The following RBPJ variants were observed in gnomAD, a reference collection of about 807,000 sequenced individuals.
The protein encoded by RBPJ is recombination signal binding protein for immunoglobulin kappa J region.
RBPJ carries 9 observed loss-of-function variants against 67.8 expected under a neutral mutation model. The ratio of observed to expected loss-of-function variants is 0.13; its 90% confidence interval spans 0.08 to 0.23. RBPJ has a LOEUF of 0.23. RBPJ is among the 10% of genes least tolerant of loss of function. The pLI, the probability that RBPJ is intolerant of heterozygous loss-of-function variation, is 1.00. For missense variants in RBPJ, 305 were observed against 595.6 expected (o/e 0.51, Z 5.08); for synonymous variants, 198 against 203.3 (o/e 0.97, Z 0.22).
chr4:26,412,131 A>AT (rs1476452788), intron 3 of RBPJ, among the ~76,000 whole-genome samples: 2 of 144,750 alleles, frequency 1.4e-5, no homozygotes, highest in Non-Finnish European at 3.1e-5. Context: ...AAAAAAAAAA[A>AT]GTACCATTTA....
chr4:26,286,056 C>CGTGCCGCTGCAGTGCGCTATGATA (rs1338401330), intron 1 of RBPJ, among the ~76,000 whole-genome samples: 1 of 152,148 alleles, frequency 6.6e-6, no homozygotes, highest in Non-Finnish European at 1.5e-5. Context: ...GCGCTATGAT[C>CGTGCCGCTGCAGTGCGCTATGATA]GTGCCGCTGC....
intron 1 of RBPJ, among the ~76,000 whole-genome samples, chr4:26,333,590 C>G: frequency 6.6e-6 from 1 of 152,044 alleles, no homozygotes. Context: ...ACGTCTCACT[C>G]TGTTACCCAG....
At chr4:26,255,292 T>A (rs1720273072) in intron 1 of RBPJ, among the ~76,000 whole-genome samples, 1 of 121,012 alleles carries the variant, frequency 8.3e-6, no homozygotes, top group African/African-American at 3.7e-5. Flanking sequence ...TAGTCCCAGC[T>A]ACTCGGGAGG....
intron 1 of RBPJ, among the ~76,000 whole-genome samples, chr4:26,384,802 C>T (rs1577576132): frequency 9.5e-6 from 1 of 105,012 alleles, no homozygotes; most frequent in Non-Finnish European, 2.0e-5. Context: ...TCTCCCCCTC[C>T]CCTCTCGCCT....
At chr4:26,410,602 G>A (rs996547641) in intron 3 of RBPJ, among the ~76,000 whole-genome samples, 3 of 152,126 alleles carry the variant, frequency 2.0e-5, no homozygotes, top group Non-Finnish European at 4.4e-5. Context: ...GTGTTAATTG[G>A]CCAATTGTGG....
intron 1 of RBPJ, among the ~76,000 whole-genome samples, chr4:26,199,026 C>T (rs1048513680): frequency 6.6e-6 from 1 of 151,946 alleles, no homozygotes. Flanking sequence ...CATTAATCTC[C>T]GGGACTTTTT....
In RBPJ at chr4:26,386,825, A is replaced by G. The variant is rs1730962967; in HGVS notation, c.59+434A>G. Among the ~76,000 whole-genome samples the G allele has an allele frequency of 4.6e-5, 7 of 152,320 alleles. No individual in the cohort carries two copies. The South Asian group carries it at 1.4e-3, about 32-fold the overall frequency. ...ATTTTTAATGAGTATAAGTTGTACA[A>G]TATACATTTTAATTATGAATGTTGA... On this transcript the variant is annotated intron_variant, in intron 2 of 10. Coordinates refer to ENST00000355476, the MANE Select transcript of RBPJ (RefSeq NM_015874.6).
chr4:26,154,522 A>G, the RBPJ span, among the ~76,000 whole-genome samples: 1 of 152,178 alleles, frequency 6.6e-6, no homozygotes, highest in African/African-American at 2.4e-5. Context: ...GTGGTCCCAG[A>G]TGGAAGTGCT....
chr4:26,244,343 A>ATGTGTACACATATGTG (rs1719818132), intron 1 of RBPJ, among the ~76,000 whole-genome samples: 1 of 95,436 alleles, frequency 1.0e-5, no homozygotes, highest in African/African-American at 3.5e-5. Flanking sequence ...GTGTACACAT[A>ATGTGTACACATATGTG]TGTGTGTATA....
At chr4:26,276,670 TGA>T (rs531918725) in intron 1 of RBPJ, among the ~76,000 whole-genome samples, 180 of 152,314 alleles carry the variant, frequency 1.2e-3, no homozygotes, top group African/African-American at 4.0e-3. Context: ...TATAACACTT[TGA>T]ATCATTTAAA....
intron 1 of RBPJ, among the ~76,000 whole-genome samples, chr4:26,352,286 G>A (rs1270365072): frequency 6.6e-6 from 1 of 152,180 alleles, no homozygotes; most frequent in East Asian, 1.9e-4. Flanking sequence ...CATAGATGGT[G>A]TCTTCTAGCT....
At chr4:26,258,369 AC>A (rs1187043516) in intron 1 of RBPJ, among the ~76,000 whole-genome samples, 5 of 152,054 alleles carry the variant, frequency 3.3e-5, no homozygotes. Flanking sequence ...TCACAATCAA[AC>A]CTCCATTAAT....
intron 1 of RBPJ, among the ~76,000 whole-genome samples, chr4:26,167,403 T>G (rs2109113293): frequency 6.7e-6 from 1 of 149,124 alleles, no homozygotes; most frequent in Admixed American, 6.7e-5. Flanking sequence ...GAGCAGTGGT[T>G]TGTAGTTCTC....
At chr4:26,389,470 A>G (rs1560315526) in intron 2 of RBPJ, among the ~76,000 whole-genome samples, 1 of 150,476 alleles carries the variant, frequency 6.6e-6, no homozygotes. Flanking sequence ...TATACCCAGT[A>G]GATATATACC....
intron 1 of RBPJ, among the ~76,000 whole-genome samples, chr4:26,334,063 T>C (rs1265369589): frequency 1.3e-5 from 2 of 151,502 alleles, no homozygotes; most frequent in Non-Finnish European, 2.9e-5. Context: ...TTTTTTTTGA[T>C]GGAGTCTCGC....
At chr4:26,142,896 C>T in the RBPJ span, among the ~76,000 whole-genome samples, 21 of 152,314 alleles carry the variant, frequency 1.4e-4, no homozygotes, top group Middle Eastern at 3.4e-3. Flanking sequence ...ATTCTCCTGC[C>T]TCAGCCTCCC....
Position 26,338,694 on chromosome 4 carries a change from C to T in RBPJ, c.20+17646C>T, listed in dbSNP as rs192842766. 3.7e-3 allele frequency among the ~76,000 whole-genome samples: 566 copies of T among 151,996 alleles called. 9 individuals carry two copies. Among genetic ancestry groups the T allele is most frequent in the African/African-American group, 0.014 (560 of 41,428 alleles). ...AGGTTTAAACAGTTCTCTGCCTCAGCCTCTTGAGTAGCTGGGATTACAGGT... is the reference window on the plus strand; with the variant it reads ...AGGTTTAAACAGTTCTCTGCCTCAGTCTCTTGAGTAGCTGGGATTACAGGT... On this transcript the variant is annotated intron_variant, in intron 1 of 10. Transcript: ENST00000355476.
chr4:26,290,900 T>C (rs1358012390), intron 1 of RBPJ, among the ~76,000 whole-genome samples: 1 of 151,102 alleles, frequency 6.6e-6, no homozygotes, highest in African/African-American at 2.4e-5. Flanking sequence ...CCTTTATTTA[T>C]TTCTTAAACC....
intron 1 of RBPJ, among the ~76,000 whole-genome samples, chr4:26,296,662 T>A (rs557357988): frequency 6.6e-6 from 1 of 152,278 alleles, no homozygotes; most frequent in East Asian, 1.9e-4. Flanking sequence ...AGTAGAATAG[T>A]TTTCTTTGTA....
Sources: gnomAD v4.1 joint callset for allele counts (sites outside exome capture counted in the v4.1 genomes callset) on GRCh38, gnomAD v4.1.1 for gene constraint, MANE v1.5 for transcripts, NCBI Gene and HGNC (gene_info 2026-07-23, HGNC 2026-07-21) for gene names.